Variants in BIRC6 observed in about 807,000 individuals in gnomAD.
BIRC6 encodes baculoviral IAP repeat containing 6, also known as dual E2 ubiquitin-conjugating enzyme/E3 ubiquitin-protein ligase BIRC6.
BIRC6 carries 98 observed loss-of-function variants against 503.3 expected under a neutral mutation model. That is an observed-to-expected ratio of 0.19 (90% CI 0.17 to 0.23). The LOEUF is 0.23. Among genes scored for constraint, BIRC6 ranks in the 10% least tolerant of loss-of-function variants. BIRC6 has a pLI of 1.00. For missense variants in BIRC6, 5,360 were observed against 5,806.0 expected (o/e 0.92, Z 2.50); for synonymous variants, 2,240 against 2,078.7 (o/e 1.08, Z -2.11).
chr2:32,399,439 T>C lies in BIRC6; in HGVS notation c.1035-1724T>C, dbSNP rs1485848974. Among the ~76,000 whole-genome samples, 8 of 152,172 alleles carry C rather than the reference T, an allele frequency of 5.3e-5. No homozygotes were observed. In the East Asian group the frequency reaches 1.5e-3, roughly 29 times the overall value. On this transcript the variant is annotated intron_variant, in intron 6 of 73. Transcript: ENST00000421745. ...CTATATTGTCCAGGCTGAAGTGCAA[T>C]GGCTATACACAGGTGTGATCATAGC...
At position 32,405,591 on chromosome 2, in the gene BIRC6, G is replaced by A. The variant is rs545508422; in HGVS notation, c.1419-908G>A. On this transcript the variant is annotated intron_variant, in intron 8 of 73. Transcript: ENST00000421745. ...GGAGACCGAGGCGGGAGGATCACAA[G>A]GTCAGGAGATAGAGACAAGACTTTG... is the stretch of plus-strand genomic sequence containing the variant. Among the ~76,000 whole-genome samples, 7 of 152,224 alleles carry A rather than the reference G, an allele frequency of 4.6e-5. No individual in the cohort carries two copies. In the East Asian group the frequency reaches 1.4e-3, roughly 29 times the overall value.
rs763076334 is a variant in BIRC6, at chr2:32,439,641, G to A, written c.3765G>A (p.Lys1255=). 2.7e-5 allele frequency: 44 copies of A among 1,613,806 alleles called. No individual in the cohort carries two copies. The highest frequency in any genetic ancestry group is 3.4e-5 in the Non-Finnish European group (40 of 1,179,870). The change falls in exon 16 of 74, where the codon AAG becomes AAA. Residue 1255 remains lysine, a synonymous_variant. Transcript: ENST00000421745. ...CATCCCTAAAACACCAGAGTAACAAGGGTTATTCACTTGCTTCACTTTTGG... is the reference window on the plus strand; with the variant it reads ...CATCCCTAAAACACCAGAGTAACAAAGGTTATTCACTTGCTTCACTTTTGG... The part of the protein sequence containing the change: ...RLPSLKHQSN[K]GYSLASLLAK...
At chr2:32,379,922 A>T (rs575825801) in intron 2 of BIRC6, among the ~76,000 whole-genome samples, 1 of 151,992 alleles carries the variant, frequency 6.6e-6, no homozygotes. Flanking sequence ...TTTGTGTTTA[A>T]ACTTTACCAT....
At chr2:32,440,649 TTC>T (rs1229211270) in intron 16 of BIRC6, among the ~76,000 whole-genome samples, 1 of 152,128 alleles carries the variant, frequency 6.6e-6, no homozygotes, top group African/African-American at 2.4e-5. Context: ...GCATAGCAGG[TTC>T]TGTTACCTCC....
chr2:32,602,191 G>A (rs147567076), intron 70 of BIRC6, among the ~76,000 whole-genome samples: 5 of 152,214 alleles, frequency 3.3e-5, no homozygotes, highest in African/African-American at 9.6e-5. Context: ...TCAACTTAGC[G>A]GCCATCAACA....
chr2:32,530,139 A>T (rs542894385), intron 60 of BIRC6, among the ~76,000 whole-genome samples: 5 of 152,306 alleles, frequency 3.3e-5, no homozygotes, highest in Admixed American at 3.3e-4. Flanking sequence ...ATTTATATTG[A>T]GTGGCATTTC....
intron 10 of BIRC6, among the ~76,000 whole-genome samples, chr2:32,420,589 C>T (rs987633285): frequency 2.0e-5 from 3 of 152,128 alleles, no homozygotes; most frequent in Non-Finnish European, 2.9e-5. Flanking sequence ...TTTTGGCTCA[C>T]TGCAACCTCT....
chr2:32,401,175 A>G lies in BIRC6; in HGVS notation c.1047A>G (p.Glu349=). The change falls in exon 7 of 74, where the codon GAA becomes GAG. Residue 349 remains glutamate, a synonymous_variant. Coordinates refer to ENST00000421745, the MANE Select transcript of BIRC6 (RefSeq NM_016252.4). ...EPTDEPWSEH[E]RHSPNCPFVK... is the part of the protein sequence containing the mutation. ...AATCTATGCAAAGGTCTGAACACGA[A>G]AGACATTCCCCAAACTGCCCATTTG... 1 of 1,613,962 alleles carries G rather than the reference A, an allele frequency of 6.2e-7. No individual in the cohort carries two copies. Among genetic ancestry groups the G allele is most frequent in the Non-Finnish European group, 8.5e-7 (1 of 1,179,826 alleles).
chr2:32,522,796 A>G (rs1027146953), intron 57 of BIRC6: 3 of 152,220 alleles, frequency 2.0e-5, no homozygotes, highest in African/African-American at 4.8e-5. Flanking sequence ...GTTTGCTCAC[A>G]TAGGTTCGTC....
intron 61 of BIRC6, among the ~76,000 whole-genome samples, chr2:32,535,517 A>G (rs1046764873): frequency 4.0e-5 from 6 of 151,868 alleles, no homozygotes; most frequent in South Asian, 4.2e-4. Context: ...ATGTGTTCTC[A>G]TTGTTCAATT....
At chr2:32,594,713 T>TGGATGGATGGATGGATGGAC (rs548889700) in intron 67 of BIRC6, among the ~76,000 whole-genome samples, 2,367 of 151,662 alleles carry the variant, frequency 0.016, 51 homozygotes, top group African/African-American at 0.055. Context: ...GATGGATGGA[T>TGGATGGATGGATGGATGGAC]GGATGGATGG....
intron 65 of BIRC6, among the ~76,000 whole-genome samples, chr2:32,561,197 CAA>C (rs1173452879): frequency 8.3e-6 from 1 of 120,090 alleles, no homozygotes; most frequent in Non-Finnish European, 1.8e-5. Flanking sequence ...GACTACATCT[CAA>C]AAAAAAAAAA....
At chr2:32,371,528 C>T (rs1235669646) in intron 1 of BIRC6, among the ~76,000 whole-genome samples, 2 of 151,858 alleles carry the variant, frequency 1.3e-5, no homozygotes, top group African/African-American at 4.8e-5. Flanking sequence ...GTTCATGCCG[C>T]CATGCCCGGC....
At chr2:32,453,291 T>G (rs1168913783) in intron 22 of BIRC6, among the ~76,000 whole-genome samples, 1 of 152,178 alleles carries the variant, frequency 6.6e-6, no homozygotes, top group Non-Finnish European at 1.5e-5. Flanking sequence ...TCTATAAAAC[T>G]GATAATATGA....
chr2:32,545,697 T>C lies in BIRC6; in HGVS notation c.12647T>C (p.Val4216Ala). The C allele has an allele frequency of 6.2e-7, 1 of 1,613,946 alleles. No homozygotes were observed. The highest frequency in any genetic ancestry group is 8.5e-7 in the Non-Finnish European group (1 of 1,179,848). Residue 4216 changes from valine to alanine, a missense_variant, in exon 63 of 74, where the codon GTC becomes GCC. Physicochemically the swap from Val to Ala is moderately conservative, Grantham distance 64 (BLOSUM62 0). Transcript: ENST00000421745. ...GTGCTTCCAACCCTTCCTTTCCACG[T>C]CCTTCGTAGCTTGTTTAGCACTACA... The part of the protein sequence containing the change: ...ANVLPTLPFH[V>A]LRSLFSTTPL...
At chr2:32,530,949 G>T (rs2366937) in intron 60 of BIRC6, among the ~76,000 whole-genome samples, 9,057 of 152,240 alleles carry the variant, frequency 0.059, 428 homozygotes, top group Admixed American at 0.14. Flanking sequence ...ATACTTTAGA[G>T]CATATTATTT....
chr2:32,398,220 G>A (rs761551996), intron 6 of BIRC6, among the ~76,000 whole-genome samples: 2 of 152,210 alleles, frequency 1.3e-5, no homozygotes, highest in Admixed American at 6.5e-5. Flanking sequence ...ACCCTAGGGA[G>A]TTAATTGCTC....
At chr2:32,372,426 T>C (rs1295679421) in intron 1 of BIRC6, among the ~76,000 whole-genome samples, 1 of 152,238 alleles carries the variant, frequency 6.6e-6, no homozygotes. Flanking sequence ...CTGCTTGCAC[T>C]TAGCATGATG....
In BIRC6 at chr2:32,414,775, C is replaced by A; in HGVS notation, c.1484C>A (p.Thr495Lys). Residue 495 changes from threonine to lysine, a missense_variant, in exon 10 of 74, where the codon ACA becomes AAA. By Grantham distance (78) the Thr-to-Lys change is moderately conservative. Around this residue, in one of 16 missense-constraint regions of BIRC6, gnomAD observed 700 missense variants for 739.3 expected, o/e 0.95. Coordinates refer to ENST00000421745, the MANE Select transcript of BIRC6 (RefSeq NM_016252.4). ...HSRSDSVTGH[T>K]SQKEAMEVSL... ...ATATTGTTCCTTTTTAAAGGGCATA[C>A]ATCACAGAAGGAAGCCATGGAAGTA... 1 of 1,611,098 alleles carries A rather than the reference C, an allele frequency of 6.2e-7. No individual in the cohort carries two copies. The highest frequency in any genetic ancestry group is 1.3e-5 in the African/African-American group (1 of 74,922).
Sources: allele counts gnomAD v4.1 joint callset (sites outside exome capture counted in the v4.1 genomes callset), GRCh38; gene constraint gnomAD v4.1.1; regional missense constraint gnomAD v4.1.1; transcripts MANE v1.5; gene names NCBI Gene and HGNC (gene_info 2026-07-23, HGNC 2026-07-21).